The following TCN2 variants were observed in gnomAD, a reference collection of about 807,000 sequenced individuals.
The protein encoded by TCN2 is transcobalamin 2, also known as transcobalamin-2.
A neutral mutation model predicts 48.6 loss-of-function variants in TCN2; 34 were observed. The observed-to-expected ratio is 0.70, with a 90% CI of 0.53 to 0.93. The LOEUF is 0.93. TCN2 is among the 40% of genes least tolerant of loss of function. The pLI, the probability that TCN2 is intolerant of heterozygous loss-of-function variation, is 0.00. For synonymous variants in TCN2, 283 were observed against 212.5 expected (o/e 1.33, Z -2.89); for missense variants, 652 against 526.1 (o/e 1.24, Z -2.34).
At chr22:30,610,725 T>G (rs1447819730) in intron 1 of TCN2, 146 bp from the exon 2 acceptor site, 2 of 788,156 alleles carry the variant, frequency 2.5e-6, no homozygotes, top group Non-Finnish European at 4.2e-6. Flanking sequence ...TCAGTATGGC[T>G]GCATTTCCCC....
rs2087753973 is a variant in TCN2, at chr22:30,623,917, C to CGT, written c.1222+834_1222+835insGT. On this transcript the variant is annotated intron_variant, in intron 8 of 8. Transcript: ENST00000215838. ...ATATATGTATACATATATATACACA[C>CGT]ATATATATGTATACATATATACACA... Among the ~76,000 whole-genome samples, 2 of 38,686 alleles carry CGT rather than the reference C, an allele frequency of 5.2e-5. 1 individual carries two copies. Among genetic ancestry groups the CGT allele is most frequent in the African/African-American group, 5.4e-4 (2 of 3,718 alleles). 25.4% of individuals were successfully genotyped at this position (38,686 alleles called of 152,430 possible).
At chr22:30,612,809 G>A in intron 2 of TCN2, 64 bp from the exon 3 acceptor site, 1 of 1,593,958 alleles carries the variant, frequency 6.3e-7, no homozygotes, top group South Asian at 1.1e-5. Context: ...GGGTGGGGTG[G>A]GTGCTGTAAG....
At chr22:30,612,235 C>T (rs559950786) in intron 2 of TCN2, among the ~76,000 whole-genome samples, 50 of 146,904 alleles carry the variant, frequency 3.4e-4, no homozygotes, top group Non-Finnish European at 6.6e-4. Context: ...ACAGAGAGAC[C>T]CTATCTCAGT....
chr22:30,611,244 T>A (rs1451695505), intron 2 of TCN2, 181 bp downstream of exon 2: 4 of 734,362 alleles, frequency 5.4e-6, no homozygotes, highest in Non-Finnish European at 9.4e-6. Context: ...AGATCAGAGA[T>A]GCTAATGCAA....
chr22:30,610,018 G>A (rs940624490), intron 1 of TCN2, among the ~76,000 whole-genome samples: 8 of 152,294 alleles, frequency 5.3e-5, no homozygotes, highest in Middle Eastern at 3.4e-3. Context: ...AACAGGGACC[G>A]AAAGTGCAAG....
At chr22:30,612,203 C>A (rs1484411499) in intron 2 of TCN2, among the ~76,000 whole-genome samples, 1 of 152,012 alleles carries the variant, frequency 6.6e-6, no homozygotes. Context: ...CATGGTGGCA[C>A]CACTGCACTC....
intron 7 of TCN2, among the ~76,000 whole-genome samples, chr22:30,618,257 TAAC>T (rs757561648): frequency 5.6e-5 from 7 of 124,526 alleles, no homozygotes; most frequent in Non-Finnish European, 9.8e-5. Context: ...GCCAGAATAA[TAAC>T]TGGTTTTTTT....
At chr22:30,617,521 A>G in intron 7 of TCN2, 26 bp downstream of exon 7, 1 of 1,613,746 alleles carries the variant, frequency 6.2e-7, no homozygotes. Flanking sequence ...CCCAGTCCTC[A>G]CCCCACCCAA....
chr22:30,619,656 C>A (rs2087668343), intron 7 of TCN2, among the ~76,000 whole-genome samples: 1 of 152,326 alleles, frequency 6.6e-6, no homozygotes, highest in South Asian at 2.1e-4. Context: ...ATGGGCCTAT[C>A]TCTGTCCCCA....
At chr22:30,610,567 G>A (rs970047849) in intron 1 of TCN2, among the ~76,000 whole-genome samples, 6 of 152,250 alleles carry the variant, frequency 3.9e-5, no homozygotes, top group African/African-American at 1.4e-4. Flanking sequence ...AGGTGCCCGG[G>A]CACACCAGTC....
chr22:30,622,854 C>A, intron 7 of TCN2, 114 bp from the exon 8 acceptor site: 2 of 1,102,478 alleles, frequency 1.8e-6, no homozygotes, highest in South Asian at 1.3e-5. Context: ...AAGGGTTTGA[C>A]GAGTGTCGGC....
chr22:30,617,930 TTTTGTTTGTTTG>T (rs568330628), intron 7 of TCN2, among the ~76,000 whole-genome samples: 2 of 152,048 alleles, frequency 1.3e-5, no homozygotes, highest in African/African-American at 2.4e-5. Context: ...AAGAACTGTT[TTTTGTTTGTTTG>T]TTTGTTTGTT....
chr22:30,607,711 T>C (rs1216712031), intron 1 of TCN2, among the ~76,000 whole-genome samples: 1 of 151,978 alleles, frequency 6.6e-6, no homozygotes, highest in East Asian at 1.9e-4. Context: ...ATCCTAGAGC[T>C]TATGTTCTAG....
intron 1 of TCN2, among the ~76,000 whole-genome samples, chr22:30,609,493 T>C (rs1308871569): frequency 1.3e-5 from 2 of 152,090 alleles, no homozygotes; most frequent in Middle Eastern, 3.2e-3. Flanking sequence ...TTTCTAACCC[T>C]GTGCTGACTC....
intron 7 of TCN2, 54 bp downstream of exon 7, chr22:30,617,549 CAG>C: frequency 5.0e-6 from 8 of 1,611,950 alleles, no homozygotes; most frequent in Non-Finnish European, 6.8e-6. Context: ...TGCCTGATAA[CAG>C]GGTCACAGAA....
intron 2 of TCN2, among the ~76,000 whole-genome samples, chr22:30,612,259 A>G (rs2087552747): frequency 1.3e-5 from 2 of 150,680 alleles, no homozygotes; most frequent in Admixed American, 1.3e-4. Context: ...AAAAAAAAAT[A>G]AAAATATGGC....
intron 1 of TCN2, among the ~76,000 whole-genome samples, chr22:30,609,150 TTTC>T (rs1159199675): frequency 6.0e-4 from 91 of 151,600 alleles, no homozygotes; most frequent in African/African-American, 1.9e-3. Context: ...TCCTTTTCTC[TTTC>T]TTCTTCTTTT....
intron 4 of TCN2, 108 bp downstream of exon 4, chr22:30,614,609 C>T (rs767841762): frequency 1.8e-5 from 27 of 1,493,528 alleles, no homozygotes; most frequent in Admixed American, 5.6e-5. Flanking sequence ...CCTTGGGGCT[C>T]CTCCGAATCA....
In TCN2 at chr22:30,614,346, CAG is replaced by C. The variant is rs955351335; in HGVS notation, c.428-2_428-1del. 36 of 1,613,932 alleles carry C rather than the reference CAG, an allele frequency of 2.2e-5. No individual in the cohort carries two copies. The highest frequency in any genetic ancestry group is 8.3e-5 in the Admixed American group (5 of 59,972). ...GCAACCCCTCTGTTTTTTTCCCTCT[CAG>C]GGCATGATCACAAGGGCCACCCCCA... is the stretch of plus-strand genomic sequence containing the variant. On this transcript the variant is annotated splice_acceptor_variant, in intron 3 of 8. Transcript: ENST00000215838. LOFTEE classifies it high-confidence loss of function.
Sources: gnomAD v4.1 joint callset for allele counts (sites outside exome capture counted in the v4.1 genomes callset) on GRCh38, gnomAD v4.1.1 for gene constraint, MANE v1.5 for transcripts, NCBI Gene and HGNC (gene_info 2026-07-23, HGNC 2026-07-21) for gene names.